ABLIM1: variants seen among roughly 807,000 people sequenced by gnomAD.
ABLIM1 encodes the protein actin binding LIM protein 1, also known as actin-binding LIM protein 1.
In ABLIM1, 40 loss-of-function variants were observed where a neutral mutation model predicts 107.0. The ratio of observed to expected loss-of-function variants is 0.37; its 90% CI spans 0.29 to 0.49. The LOEUF is 0.49. ABLIM1 is among the 20% of genes least tolerant of loss of function. The probability of loss-of-function intolerance (pLI) is 0.97; values close to 1 mark genes in which losing one functional copy is unlikely to be tolerated. For synonymous variants in ABLIM1, 357 were observed against 357.3 expected, an observed-to-expected ratio of 1.00 and a Z score of 0.01; for missense variants, 857 against 1,008.5, an observed-to-expected ratio of 0.85 and a Z score of 2.04.
At position 114,527,021 on chromosome 10, in the gene ABLIM1, TA is replaced by T. The variant is rs3833739; in HGVS notation, c.894+17983del. On this transcript the variant is annotated intron_variant, in intron 6 of 22. Transcript: ENST00000533213. ...AGTAGATTTACTTTCTTTCTTTTTT[TA>T]AATGCAGGTAGGAAAGTACCATTTC... 1,366 of 960,750 alleles carry T rather than the reference TA, an allele frequency of 1.4e-3. 36 individuals are homozygous for T. The East Asian group carries it at 0.076, about 53-fold the overall frequency. 59.5% of individuals were successfully genotyped at this position (960,750 alleles called of 1,614,324 possible).
intron 6 of ABLIM1, among the ~76,000 whole-genome samples, chr10:114,525,953 G>T (rs888057037): frequency 4.6e-5 from 7 of 152,080 alleles, no homozygotes; most frequent in Non-Finnish European, 7.4e-5. Flanking sequence ...CCCAAAAAAA[G>T]TCTTTACAGT....
upstream of ABLIM1, among the ~76,000 whole-genome samples, chr10:114,769,217 G>C (rs2082976011): frequency 1.4e-5 from 2 of 145,710 alleles, no homozygotes; most frequent in African/African-American, 5.1e-5. Context: ...AGGCCTTGGT[G>C]ACCGGTGCTT....
chr10:114,561,132 C>T (rs139843731), intron 4 of ABLIM1, among the ~76,000 whole-genome samples: 4 of 152,310 alleles, frequency 2.6e-5, no homozygotes, highest in East Asian at 3.9e-4. Flanking sequence ...TTTAACCTGG[C>T]GAAGAGGTTT....
intron 1 of ABLIM1, among the ~76,000 whole-genome samples, chr10:114,695,462 G>A (rs2081175911): frequency 6.6e-6 from 1 of 152,052 alleles, no homozygotes; most frequent in Non-Finnish European, 1.5e-5. Context: ...TTAAATGGGG[G>A]AAAGAAGGCC....
intron 8 of ABLIM1, among the ~76,000 whole-genome samples, chr10:114,480,277 C>G: frequency 6.6e-6 from 1 of 152,116 alleles, no homozygotes; most frequent in Admixed American, 6.6e-5. Flanking sequence ...GGGTCAGAAG[C>G]CTTGTTTCTG....
At chr10:114,686,951 T>C (rs2080955246), upstream of ABLIM1, among the ~76,000 whole-genome samples, 1 of 152,144 alleles carries the variant, frequency 6.6e-6, no homozygotes, top group Admixed American at 6.5e-5. Context: ...TCTAATTAAA[T>C]AGCAATGGAG....
rs769390756 is a variant in ABLIM1 at position 114,575,516 on chromosome 10, C to T, written c.463G>A (p.Gly155Arg). The T allele has an allele frequency of 1.1e-5, 18 of 1,614,084 alleles. 1 individual carries two copies. The highest frequency in any genetic ancestry group is 6.7e-5 in the Admixed American group (4 of 60,000). Residue 155 changes from glycine (G) to arginine (R), a missense_variant, in exon 3 of 23, where the codon GGG becomes AGG. By Grantham distance (125) the Gly-to-Arg change is moderately radical. Coordinates refer to ENST00000533213, the MANE Select transcript of ABLIM1 (RefSeq NM_002313.7). ...TCCCCACAGCCATGGCAGCGTGTCC[C>T]GTACATCCGCTGGTAGTCCAGGGTG... ...LCTLDYQRMY[G>R]TRCHGCGEFV...
chr10:114,665,062 A>C (rs1424922307), intron 1 of ABLIM1, among the ~76,000 whole-genome samples: 1 of 151,440 alleles, frequency 6.6e-6, no homozygotes, highest in Non-Finnish European at 1.5e-5. Flanking sequence ...GCTTGCAGTG[A>C]GCCGAGATAG....
At chr10:114,445,141 T>C (rs1443662571) in intron 16 of ABLIM1, among the ~76,000 whole-genome samples, 171 bp downstream of exon 16, 1 of 152,246 alleles carries the variant, frequency 6.6e-6, no homozygotes, top group African/African-American at 2.4e-5. Flanking sequence ...TGCCATATTC[T>C]AGTTACTATT....
At chr10:114,473,988 G>A (rs377002505) in intron 8 of ABLIM1, 32 bp from the exon 9 acceptor site, 9 of 1,559,302 alleles carry the variant, frequency 5.8e-6, no homozygotes, top group African/African-American at 2.7e-5. Flanking sequence ...GTAAGACTTC[G>A]GACCCTGGCT....
At chr10:114,517,842 C>G (rs530903275) in intron 6 of ABLIM1, among the ~76,000 whole-genome samples, 1 of 152,284 alleles carries the variant, frequency 6.6e-6, no homozygotes, top group African/African-American at 2.4e-5. Flanking sequence ...AACAAAACCC[C>G]CTTTGGAAAC....
At chr10:114,543,277 C>T (rs2066917350) in intron 6 of ABLIM1, among the ~76,000 whole-genome samples, 1 of 152,194 alleles carries the variant, frequency 6.6e-6, no homozygotes, top group Admixed American at 6.5e-5. Context: ...TTTTCATCAC[C>T]CCAAAAGGAA....
intron 12 of ABLIM1, among the ~76,000 whole-genome samples, chr10:114,461,394 T>G (rs1365916195): frequency 6.6e-5 from 2 of 30,370 alleles, no homozygotes; most frequent in African/African-American, 3.8e-4. Context: ...AACTGAAGGG[T>G]TTTTTTTTTT....
At chr10:114,639,357 A>ACG (rs2078630067) in intron 1 of ABLIM1, among the ~76,000 whole-genome samples, 1 of 152,236 alleles carries the variant, frequency 6.6e-6, no homozygotes, top group Admixed American at 6.5e-5. Flanking sequence ...ATAAAAGCAG[A>ACG]AGTCCTAAAG....
chr10:114,546,590 C>T (rs1015567292), intron 5 of ABLIM1, among the ~76,000 whole-genome samples: 1 of 152,080 alleles, frequency 6.6e-6, no homozygotes, highest in African/African-American at 2.4e-5. Context: ...CCACCGCACC[C>T]AGCCTTCTTG....
At chr10:114,565,788 CTTTTTTTTT>C (rs577896964) in intron 4 of ABLIM1, among the ~76,000 whole-genome samples, 27,400 of 101,638 alleles carry the variant, frequency 0.27, 3,068 homozygotes, top group Middle Eastern at 0.48. Context: ...GAAATGATTT[CTTTTTTTTT>C]TTTTTTTTTT....
At chr10:114,568,740 T>A (rs2071186220) in intron 4 of ABLIM1, among the ~76,000 whole-genome samples, 1 of 152,352 alleles carries the variant, frequency 6.6e-6, no homozygotes, top group Non-Finnish European at 1.5e-5. Context: ...TGGGATTTCA[T>A]CCATTGGAAG....
intron 10 of ABLIM1, among the ~76,000 whole-genome samples, chr10:114,471,731 C>A (rs747980196): frequency 5.9e-5 from 9 of 152,044 alleles, no homozygotes; most frequent in East Asian, 1.9e-4. Flanking sequence ...GAATTGAGAA[C>A]AATTAAACAG....
intron 4 of ABLIM1, among the ~76,000 whole-genome samples, chr10:114,560,297 G>A (rs984120974): frequency 2.4e-5 from 3 of 123,524 alleles, no homozygotes; most frequent in African/African-American, 4.8e-5. Flanking sequence ...GCCATACAAT[G>A]TAAACATTAT....
Sources: gnomAD v4.1 joint callset for allele counts (sites outside exome capture counted in the v4.1 genomes callset) on GRCh38, gnomAD v4.1.1 for gene constraint, MANE v1.5 for transcripts, NCBI Gene and HGNC (gene_info 2026-07-23, HGNC 2026-07-21) for gene names.